MYO7A: variants seen among roughly 807,000 people sequenced by gnomAD.
The protein encoded by MYO7A is myosin VIIA.
A neutral mutation model predicts 263.8 loss-of-function variants in MYO7A; 210 were observed. The ratio of observed to expected loss-of-function variants is 0.80; its 90% CI spans 0.71 to 0.89. MYO7A has a LOEUF of 0.89. Among genes scored for constraint, MYO7A ranks in the 40% least tolerant of loss-of-function variants. MYO7A has a pLI of 0.00. For synonymous variants in MYO7A, 1,239 were observed against 1,197.3 expected, an observed-to-expected ratio of 1.03 and a Z score of -0.72; for missense variants, 2,820 against 2,968.3, an observed-to-expected ratio of 0.95 and a Z score of 1.16.
chr11:77,202,534 G>A (rs906989937), intron 37 of MYO7A, 110 bp downstream of exon 37: 2 of 1,417,682 alleles, frequency 1.4e-6, no homozygotes, highest in Non-Finnish European at 1.9e-6. Context: ...CTGTGAGCAG[G>A]GCCTGGGTCA....
chr11:77,195,845 A>T (rs1479451602), intron 32 of MYO7A, among the ~76,000 whole-genome samples: 1 of 152,216 alleles, frequency 6.6e-6, no homozygotes, highest in Non-Finnish European at 1.5e-5. Context: ...AACAGAAATA[A>T]ATGTATTTCC....
At chr11:77,135,863 T>C (rs1264348813) in intron 2 of MYO7A, among the ~76,000 whole-genome samples, 1 of 152,186 alleles carries the variant, frequency 6.6e-6, no homozygotes, top group Non-Finnish European at 1.5e-5. Flanking sequence ...TCATGTGCCT[T>C]TGGTCGCTTT....
chr11:77,196,104 C>T (rs1417808889), intron 32 of MYO7A, among the ~76,000 whole-genome samples: 3 of 152,238 alleles, frequency 2.0e-5, no homozygotes, highest in Non-Finnish European at 2.9e-5. Context: ...CGCGGTGGCT[C>T]ACGCCTGTAA....
In MYO7A at chr11:77,205,491, T is replaced by A. The variant is rs1385324903; in HGVS notation, c.5510T>A (p.Leu1837His). The change falls in exon 40 of 49, where the codon CTC becomes CAC. Residue 1837 changes from leucine to histidine, a missense_variant. Leu to His is a moderately conservative substitution (Grantham distance 99). Coordinates refer to ENST00000409709, the MANE Select transcript of MYO7A (RefSeq NM_000260.4). ...RYSEERGWEL[L>H]WLCTGLFPPS... is the part of the protein sequence containing the mutation. The stretch of plus-strand genomic sequence containing the variant: ...AGCGAGGAGCGGGGTTGGGAGCTGC[T>A]CTGGCTGTGCACGGGCCTTTTCCCA... The A allele has an allele frequency of 1.9e-6, 3 of 1,589,530 alleles. No individual in the cohort carries two copies. The highest frequency in any genetic ancestry group is 1.7e-6 in the Non-Finnish European group (2 of 1,168,822).
intron 2 of MYO7A, among the ~76,000 whole-genome samples, chr11:77,136,154 G>A (rs1277841268): frequency 6.6e-6 from 1 of 152,172 alleles, no homozygotes; most frequent in Admixed American, 6.5e-5. Context: ...GGATAGTTAT[G>A]CCAGATATAG....
intron 16 of MYO7A, 80 bp from the exon 17 acceptor site, chr11:77,174,676 T>C (rs1954456351): frequency 6.9e-7 from 1 of 1,454,376 alleles, no homozygotes; most frequent in East Asian, 2.5e-5. Flanking sequence ...TGAGCCTTTG[T>C]CTGGGTTGGT....
chr11:77,143,451 G>A (rs1031126212), intron 3 of MYO7A, among the ~76,000 whole-genome samples: 1 of 152,170 alleles, frequency 6.6e-6, no homozygotes, highest in East Asian at 1.9e-4. Flanking sequence ...GGCCCAGAAG[G>A]AAAGGGACCC....
chr11:77,180,519 T>C (rs1565407630), intron 22 of MYO7A, 38 bp downstream of exon 22: 1 of 1,568,464 alleles, frequency 6.4e-7, no homozygotes, highest in Non-Finnish European at 8.7e-7. Context: ...GGTGTCCACT[T>C]GCTGGCTTGT....
In MYO7A at chr11:77,206,214, C is replaced by T. The variant is rs753540568; in HGVS notation, c.5742+12C>T. On this transcript the variant is annotated intron_variant, in intron 41 of 48. Coordinates refer to ENST00000409709, the MANE Select transcript of MYO7A (RefSeq NM_000260.4). ...ATGACACTGACGAGGTGAGGGTCACCGGCTTCTAGGTCTGCAGTGCCCAGG... is the reference window on the plus strand; with the variant it reads ...ATGACACTGACGAGGTGAGGGTCACTGGCTTCTAGGTCTGCAGTGCCCAGG... 3.8e-5 allele frequency: 60 copies of T among 1,599,462 alleles called. No homozygotes were observed. The highest frequency in any genetic ancestry group is 1.6e-4 in the South Asian group (14 of 89,528).
intron 11 of MYO7A, 136 bp downstream of exon 11, chr11:77,160,418 G>A (rs572394444): frequency 1.8e-5 from 23 of 1,301,550 alleles, no homozygotes; most frequent in East Asian, 2.6e-5. Flanking sequence ...GGCTGCAGTC[G>A]GCCTTCCTTG....
intron 2 of MYO7A, among the ~76,000 whole-genome samples, chr11:77,139,032 C>A (rs1431078651): frequency 6.6e-6 from 1 of 152,172 alleles, no homozygotes; most frequent in Non-Finnish European, 1.5e-5. Context: ...AATATTGGCT[C>A]GAGACCGGCT....
At chr11:77,132,866 C>A (rs1950805430) in intron 2 of MYO7A, among the ~76,000 whole-genome samples, 1 of 152,210 alleles carries the variant, frequency 6.6e-6, no homozygotes, top group African/African-American at 2.4e-5. Context: ...GGCCCTCTTA[C>A]TCAACAGCAA....
rs968414959 is a variant in MYO7A, at chr11:77,138,359, G to C, written c.19-4350G>C. Among the ~76,000 whole-genome samples the C allele has an allele frequency of 1.6e-4, 25 of 151,772 alleles. No homozygotes were observed. The highest frequency in any genetic ancestry group is 5.6e-4 in the African/African-American group (23 of 41,418). On this transcript the variant is annotated intron_variant, in intron 2 of 48. Transcript: ENST00000409709. The surrounding 1 kb of genome is among the most constrained non-coding windows in gnomAD (Gnocchi z 4.9). ...GACCCCGCGCGCATCCCGCAGCCCG[G>C]CAAGTGGGCGCTGGTGCGCAGCCTG...
intron 3 of MYO7A, among the ~76,000 whole-genome samples, chr11:77,143,300 A>G (rs1555051830): frequency 6.6e-6 from 1 of 152,214 alleles, no homozygotes; most frequent in African/African-American, 2.4e-5. Context: ...CGTGCAGAAC[A>G]CCTCAGTGAA....
rs1957840603 is a variant in MYO7A, at chr11:77,211,188, A to G, written c.6088A>G (p.Thr2030Ala). The change falls in exon 45 of 49, where the codon ACG becomes GCG. Residue 2030 changes from threonine (T) to alanine (A), a missense_variant. By Grantham distance (58) the Thr-to-Ala change is moderately conservative (BLOSUM62 0). Transcript: ENST00000409709. Reference sequence around the variant, plus strand: ...GTATCTCCGAGGCTACCACAAGTGCACGCGGGAGGAGGTGCTGCAGCTGGG... The same window carrying G: ...GTATCTCCGAGGCTACCACAAGTGCGCGCGGGAGGAGGTGCTGCAGCTGGG... ...PKYLRGYHKC[T>A]REEVLQLGAL... The G allele has an allele frequency of 1.3e-6, 2 of 1,592,712 alleles. No individual in the cohort carries two copies. Among genetic ancestry groups the G allele is most frequent in the Non-Finnish European group, 1.7e-6 (2 of 1,169,860 alleles).
chr11:77,192,700 TG>T (rs1956180539), intron 31 of MYO7A, among the ~76,000 whole-genome samples: 1 of 152,198 alleles, frequency 6.6e-6, no homozygotes, highest in Non-Finnish European at 1.5e-5. Context: ...GTGGTTGTTT[TG>T]TTTTCGATAA....
At chr11:77,129,257 C>G (rs1395829541) in intron 1 of MYO7A, among the ~76,000 whole-genome samples, 1 of 152,162 alleles carries the variant, frequency 6.6e-6, no homozygotes, top group Non-Finnish European at 1.5e-5. Context: ...GCCTGCTGGC[C>G]CTGTTGAATC....
intron 33 of MYO7A, 147 bp from the exon 34 acceptor site, chr11:77,198,348 G>T (rs147014516): frequency 1.4e-4 from 156 of 1,104,760 alleles, no homozygotes; most frequent in Non-Finnish European, 1.8e-4. Context: ...GTTTTGGCAC[G>T]TAGCGAGTTT....
At position 77,207,318 on chromosome 11, in the gene MYO7A, C is replaced by A. The variant is rs749438001; in HGVS notation, c.5772C>A (p.Ala1924=). 3.5e-5 allele frequency: 56 copies of A among 1,612,222 alleles called. 1 individual carries two copies. Among genetic ancestry groups the A allele is most frequent in the South Asian group, 2.7e-4 (24 of 90,514 alleles). The change falls in exon 42 of 49, where the codon GCC becomes GCA. Residue 1924 remains alanine (A), a synonymous_variant. Coordinates refer to ENST00000409709, the MANE Select transcript of MYO7A (RefSeq NM_000260.4). ...TCGAAGTGGAGTCCAGCACCAAGGC[C>A]AAGGACTTCTGCCAGAACATCGCCA... ...EAFEVESSTK[A]KDFCQNIATR... is the part of the protein sequence containing the mutation.
Sources: allele counts gnomAD v4.1 joint callset (sites outside exome capture counted in the v4.1 genomes callset), GRCh38; gene constraint gnomAD v4.1.1; non-coding constraint Gnocchi (gnomAD v3.1); transcripts MANE v1.5; gene names NCBI Gene and HGNC (gene_info 2026-07-23, HGNC 2026-07-21).